Variants in MRAP observed in about 807,000 individuals in gnomAD.
MRAP encodes melanocortin 2 receptor accessory protein.
In MRAP, 8 loss-of-function variants were observed where a neutral mutation model predicts 8.7. The observed-to-expected ratio is 0.92, with a 90% CI of 0.54 to 1.66. The LOEUF is 1.66. Ranked by LOEUF, MRAP falls within the 40% of genes most tolerant of loss-of-function variation. The probability of loss-of-function intolerance (pLI) is 0.00; values close to 1 mark genes in which losing one functional copy is unlikely to be tolerated. For synonymous variants in MRAP, 95 were observed against 95.5 expected, an observed-to-expected ratio of 1.00 and a Z score of 0.03; for missense variants, 237 against 217.1, an observed-to-expected ratio of 1.09 and a Z score of -0.58.
Position 32,292,054 on chromosome 21 carries a change from T to TA in MRAP, c.-151+212dup, listed in dbSNP as rs1403622923. ...GCTCCCAATTTGAGCAAATTAACTGTAAAAAAATTATGAGACAAATAAGGA... is the reference window on the plus strand; with the variant it reads ...GCTCCCAATTTGAGCAAATTAACTGTAAAAAAAATTATGAGACAAATAAGGA... On this transcript the variant is annotated intron_variant, in intron 1 of 4. Coordinates refer to the MRAP transcript ENST00000399784. 3.3e-5 allele frequency among the ~76,000 whole-genome samples: 5 copies of TA among 151,942 alleles called. No homozygotes were observed. The South Asian group carries it at 8.3e-4, about 25-fold the overall frequency.
At chr21:32,300,748 C>T (rs1044479672) in intron 1 of MRAP, among the ~76,000 whole-genome samples, 2 of 106,404 alleles carry the variant, frequency 1.9e-5, no homozygotes, top group South Asian at 3.3e-4. Flanking sequence ...GTCAGTGTGT[C>T]GTGCGTCCTA....
At chr21:32,311,488 G>A in intron 2 of MRAP, 196 bp from the exon 3 acceptor site, 1 of 476,026 alleles carries the variant, frequency 2.1e-6, no homozygotes. Flanking sequence ...TCCTGACAAA[G>A]CACTTCCTCT....
chr21:32,313,539 A>T (rs1203687506), downstream of MRAP: 1 of 152,242 alleles, frequency 6.6e-6, no homozygotes, highest in Non-Finnish European at 1.5e-5. Context: ...AGACAGTGCA[A>T]GACAATTATT....
At position 32,312,227 on chromosome 21, in the gene MRAP, C is replaced by A; in HGVS notation, c.*231C>A. On this transcript the variant is annotated 3_prime_UTR_variant, in exon 3 of 3. Coordinates refer to ENST00000303645, the MANE Select transcript of MRAP (RefSeq NM_001379228.1). ...TTATTGAGCACACCTAGCCTGCTTG[C>A]TTACTGCTTATATTTGCTCAGGGAA... 1 of 1,443,288 alleles carries A rather than the reference C, an allele frequency of 6.9e-7. No individual in the cohort carries two copies. The highest frequency in any genetic ancestry group is 9.1e-7 in the Non-Finnish European group (1 of 1,100,998). The allele number at this position is 1,443,288 out of a possible 1,614,324, so 89.4% of individuals were successfully genotyped here.
chr21:32,297,269 A>G (rs1325897422), upstream of MRAP, among the ~76,000 whole-genome samples: 1 of 152,200 alleles, frequency 6.6e-6, no homozygotes, highest in Non-Finnish European at 1.5e-5. Flanking sequence ...GAGGGTTGCA[A>G]TGTTCACTCC....
downstream of MRAP, chr21:32,313,413 A>G (rs2032625418): frequency 6.6e-6 from 1 of 152,270 alleles, no homozygotes; most frequent in African/African-American, 2.4e-5. Flanking sequence ...CGCTTGCCTG[A>G]GTCCAGCTTG....
upstream of MRAP, among the ~76,000 whole-genome samples, chr21:32,296,323 A>G (rs1432930184): frequency 6.6e-6 from 1 of 152,186 alleles, no homozygotes; most frequent in Non-Finnish European, 1.5e-5. Flanking sequence ...GGGGAGCACA[A>G]TTCAGCCCAG....
At chr21:32,297,747 G>A (rs371945552), upstream of MRAP, among the ~76,000 whole-genome samples, 14 of 152,316 alleles carry the variant, frequency 9.2e-5, no homozygotes, top group African/African-American at 3.1e-4. Flanking sequence ...AGAAATGTAC[G>A]GTGTAGCGGG....
At chr21:32,312,330 T>C (rs2032602553), downstream of MRAP, 1 of 1,248,252 alleles carries the variant, frequency 8.0e-7, no homozygotes. Context: ...ACTTTACCAT[T>C]ACTGTGTAAT....
chr21:32,297,821 C>T (rs976822003), upstream of MRAP, among the ~76,000 whole-genome samples: 1 of 152,204 alleles, frequency 6.6e-6, no homozygotes, highest in Non-Finnish European at 1.5e-5. Context: ...ACACAAGAGC[C>T]TCATTCCTCC....
chr21:32,300,656 G>A (rs1355843506), intron 1 of MRAP, among the ~76,000 whole-genome samples: 8 of 147,836 alleles, frequency 5.4e-5, no homozygotes, highest in South Asian at 2.2e-4. Flanking sequence ...TGCCGGGGGC[G>A]TCACACGTCC....
chr21:32,314,310 G>A (rs947471957), downstream of MRAP: 26 of 417,996 alleles, frequency 6.2e-5, no homozygotes, highest in Non-Finnish European at 9.9e-5. Context: ...TTAGCCTCCC[G>A]AGTAGCTGGA....
chr21:32,311,936 C>G lies in MRAP; in HGVS notation c.459C>G (p.Leu153=), dbSNP rs751870972. ...AACTGACCCTCAATGGGGGTCCCCT[C>G]GTCAGGAGCAAGCCCAGCGAGCCTC... ...LWELTLNGGP[L]VRSKPSEPPP... is the part of the protein sequence containing the mutation. Residue 153 remains leucine (L), a synonymous_variant, in exon 3 of 3, where the codon CTC becomes CTG. Coordinates refer to ENST00000303645, the MANE Select transcript of MRAP (RefSeq NM_001379228.1). The G allele has an allele frequency of 6.2e-7, 1 of 1,613,668 alleles. No individual in the cohort carries two copies. Among genetic ancestry groups the G allele is most frequent in the Non-Finnish European group, 8.5e-7 (1 of 1,180,034 alleles).
chr21:32,296,828 G>C (rs901255466), upstream of MRAP, among the ~76,000 whole-genome samples: 7 of 152,246 alleles, frequency 4.6e-5, no homozygotes, highest in African/African-American at 1.7e-4. Context: ...AAGCCTCCAG[G>C]CCTGGAAGTT....
At chr21:32,295,728 C>T (rs531469813), upstream of MRAP, among the ~76,000 whole-genome samples, 15 of 152,156 alleles carry the variant, frequency 9.9e-5, no homozygotes, top group Non-Finnish European at 2.1e-4. Context: ...GTAATCCCAG[C>T]ACTTTGAGAG....
rs17855142 is a variant in MRAP at position 32,306,665 on chromosome 21, G to C, written c.132G>C (p.Val44=). 1.2e-6 allele frequency: 2 copies of C among 1,614,126 alleles called. No homozygotes were observed. The highest frequency in any genetic ancestry group is 1.1e-5 in the South Asian group (1 of 91,078). Residue 44 remains valine (V), a synonymous_variant, in exon 2 of 3, where the codon GTG becomes GTC. Coordinates refer to ENST00000303645, the MANE Select transcript of MRAP (RefSeq NM_001379228.1). ...HKHSIVIAFW[V]SLAAFVVLLF... ...ATTCCATCGTGATCGCATTCTGGGTGAGCCTGGCTGCCTTCGTGGTGCTGC... is the reference window on the plus strand; with the variant it reads ...ATTCCATCGTGATCGCATTCTGGGTCAGCCTGGCTGCCTTCGTGGTGCTGC...
intron 2 of MRAP, among the ~76,000 whole-genome samples, chr21:32,307,264 T>C (rs187199459): frequency 6.6e-6 from 1 of 152,094 alleles, no homozygotes; most frequent in Non-Finnish European, 1.5e-5. Context: ...TGGGTTTCTT[T>C]TGGGGATGAT....
chr21:32,303,182 C>T (rs576398870), intron 1 of MRAP, among the ~76,000 whole-genome samples: 7 of 152,130 alleles, frequency 4.6e-5, no homozygotes, highest in African/African-American at 1.4e-4. Flanking sequence ...CGGGGTTTCA[C>T]CATGTTGGCC....
intron 1 of MRAP, among the ~76,000 whole-genome samples, chr21:32,300,461 C>T (rs992703957): frequency 4.0e-5 from 6 of 150,372 alleles, no homozygotes; most frequent in African/African-American, 9.8e-5. Context: ...ATGTTTCACA[C>T]GTCTTATGTC....
Sources: allele counts gnomAD v4.1 joint callset (sites outside exome capture counted in the v4.1 genomes callset), GRCh38; gene constraint gnomAD v4.1.1; transcripts MANE v1.5; gene names NCBI Gene and HGNC (gene_info 2026-07-23, HGNC 2026-07-21).